Variants in ZNF652 observed in about 807,000 individuals in gnomAD.
ZNF652 encodes zinc finger protein 652.
A neutral mutation model predicts 45.2 loss-of-function variants in ZNF652; 16 were observed. That is an observed-to-expected ratio of 0.35 (90% confidence interval 0.24 to 0.54). ZNF652 has a LOEUF of 0.54. Ranked by LOEUF, ZNF652 falls within the 20% of genes least tolerant of loss-of-function variation. The probability of loss-of-function intolerance (pLI) is 0.91; values close to 1 mark genes in which losing one functional copy is unlikely to be tolerated. For synonymous variants in ZNF652, 250 were observed against 260.6 expected, an observed-to-expected ratio of 0.96 and a Z score of 0.39; for missense variants, 614 against 765.6, an observed-to-expected ratio of 0.80 and a Z score of 2.34.
At position 49,324,803 on chromosome 17, in the gene ZNF652, C is replaced by T. The variant is rs1291981872; in HGVS notation, c.-258-6820G>A. The stretch of plus-strand genomic sequence containing the variant: ...TCACCCAAGCTGGAGTGCAGTGGTG[C>T]GACCTCAGCTCACTGCAACCTCCAC... On this transcript the variant is annotated intron_variant, in intron 1 of 5. Coordinates refer to ENST00000430262, the MANE Select transcript of ZNF652 (RefSeq NM_001145365.3). Among the ~76,000 whole-genome samples, 61 of 110,624 alleles carry T rather than the reference C, an allele frequency of 5.5e-4. 1 individual carries two copies. In the Admixed American group the frequency reaches 5.7e-3, roughly 10 times the overall value. The allele number at this position is 110,624 out of a possible 152,430, so 72.6% of individuals were successfully genotyped here. A position where few individuals can be genotyped will look rare whatever the true frequency, so the allele number is the denominator to read the frequency against.
intron 2 of ZNF652, 150 bp from the exon 3 acceptor site, chr17:49,312,995 C>T (rs957663772): frequency 3.0e-6 from 2 of 669,934 alleles, no homozygotes; most frequent in Non-Finnish European, 4.9e-6. Flanking sequence ...GATTCCAACA[C>T]CAACATCTGT....
At chr17:49,328,627 C>G (rs986079142) in intron 1 of ZNF652, among the ~76,000 whole-genome samples, 3 of 152,130 alleles carry the variant, frequency 2.0e-5, no homozygotes, top group Non-Finnish European at 4.4e-5. Context: ...CTTGCTTGCT[C>G]TTTCACCATG....
At chr17:49,351,152 G>A (rs544264478) in intron 1 of ZNF652, among the ~76,000 whole-genome samples, 2 of 150,418 alleles carry the variant, frequency 1.3e-5, no homozygotes, top group East Asian at 3.9e-4. Flanking sequence ...AGTTGACTTG[G>A]GTTTTTCACC....
chr17:49,356,084 G>T (rs2070333235), intron 1 of ZNF652, among the ~76,000 whole-genome samples: 1 of 151,686 alleles, frequency 6.6e-6, no homozygotes, highest in Non-Finnish European at 1.5e-5. Flanking sequence ...GCTAAAAAAG[G>T]GTTTGAAATT....
At chr17:49,334,142 TAAACA>T (rs1311861249) in intron 1 of ZNF652, among the ~76,000 whole-genome samples, 1 of 152,080 alleles carries the variant, frequency 6.6e-6, no homozygotes, top group African/African-American at 2.4e-5. Flanking sequence ...GATGAGTGGA[TAAACA>T]AAATATATAA....
At chr17:49,288,986 C>G (rs765314049), downstream of ZNF652, among the ~76,000 whole-genome samples, 1 of 152,176 alleles carries the variant, frequency 6.6e-6, no homozygotes, top group South Asian at 2.1e-4. Context: ...ACTAATCACT[C>G]TGCCTTTGGT....
chr17:49,327,420 A>G (rs1598302100), intron 1 of ZNF652, among the ~76,000 whole-genome samples: 1 of 151,788 alleles, frequency 6.6e-6, no homozygotes, highest in Non-Finnish European at 1.5e-5. Flanking sequence ...TCAGCCTCCC[A>G]AAGTGCTGGC....
At chr17:49,344,127 G>C (rs1194105346) in intron 1 of ZNF652, among the ~76,000 whole-genome samples, 2 of 152,066 alleles carry the variant, frequency 1.3e-5, no homozygotes, top group Non-Finnish European at 2.9e-5. Flanking sequence ...CATGAACCCG[G>C]GAGGCGGAGC....
intron 1 of ZNF652, among the ~76,000 whole-genome samples, chr17:49,326,828 T>C (rs1348295860): frequency 6.6e-6 from 1 of 152,220 alleles, no homozygotes; most frequent in Non-Finnish European, 1.5e-5. Flanking sequence ...ATTTCTTTCA[T>C]GGATCTCTGG....
chr17:49,308,230 G>C (rs1444441945), intron 5 of ZNF652, among the ~76,000 whole-genome samples: 1 of 152,050 alleles, frequency 6.6e-6, no homozygotes, highest in Non-Finnish European at 1.5e-5. Context: ...TGCCCAGGCT[G>C]GAGTGACACA....
chr17:49,299,838 C>A (rs1049068673), intron 5 of ZNF652, among the ~76,000 whole-genome samples: 2 of 151,554 alleles, frequency 1.3e-5, no homozygotes, highest in South Asian at 2.1e-4. Context: ...AGCTACCACG[C>A]CTGGCTATCT....
intron 1 of ZNF652, among the ~76,000 whole-genome samples, chr17:49,350,848 T>C (rs1806271114): frequency 6.6e-6 from 1 of 150,890 alleles, no homozygotes; most frequent in Non-Finnish European, 1.5e-5. Flanking sequence ...CAGATGCCTA[T>C]AATCCCAGCT....
chr17:49,291,122 G>C lies in ZNF652; in HGVS notation c.*7291C>G, dbSNP rs770730120. Reference sequence around the variant, plus strand: ...TTTAAACTAATGAATTGAATTAATAGAGCATGAAAAGATATTTCTAGGAGG... The same window carrying C: ...TTTAAACTAATGAATTGAATTAATACAGCATGAAAAGATATTTCTAGGAGG... On this transcript the variant is annotated 3_prime_UTR_variant, in exon 6 of 6. Coordinates refer to ENST00000430262, the MANE Select transcript of ZNF652 (RefSeq NM_001145365.3). The C allele has an allele frequency of 5.3e-5, 8 of 152,148 alleles. No homozygotes were observed. The highest frequency in any genetic ancestry group is 1.2e-4 in the African/African-American group (5 of 41,428). The allele number at this position is 152,148 out of a possible 1,614,324, so 9.4% of individuals were successfully genotyped here.
In ZNF652 at chr17:49,327,756, TATATATATATATATATATATATA is replaced by T. The variant is rs1468647121; in HGVS notation, c.-258-9796_-258-9774del. On this transcript the variant is annotated intron_variant, in intron 1 of 5. Coordinates refer to ENST00000430262, the MANE Select transcript of ZNF652 (RefSeq NM_001145365.3). ...ATATATATATATATATATATATATATATATATATATATATATATATATATTTTTTTTTTTTTTTTTTAGTAGAG... is the reference window on the plus strand; with the variant it reads ...ATATATATATATATATATATATATATTTTTTTTTTTTTTTTTTTAGTAGAG... 4.8e-3 allele frequency among the ~76,000 whole-genome samples: 24 copies of T among 4,968 alleles called. No homozygotes were observed. In the East Asian group the frequency reaches 0.11, roughly 22 times the overall value. 3.3% of individuals were successfully genotyped at this position (4,968 alleles called of 152,430 possible). A position where few individuals can be genotyped will look rare whatever the true frequency, so the allele number is the denominator to read the frequency against.
intron 1 of ZNF652, among the ~76,000 whole-genome samples, chr17:49,351,009 AT>A: frequency 7.3e-5 from 1 of 13,678 alleles, no homozygotes; most frequent in Non-Finnish European, 1.6e-4. Flanking sequence ...ATATATATAT[AT>A]ATATACACAC....
intron 5 of ZNF652, among the ~76,000 whole-genome samples, chr17:49,307,439 A>G (rs1384540830): frequency 1.4e-5 from 2 of 138,158 alleles, no homozygotes; most frequent in Non-Finnish European, 3.1e-5. Flanking sequence ...TCAAAAGAAA[A>G]AAAAAAAAAA....
Position 49,337,785 on chromosome 17 carries a change from G to A in ZNF652, c.-258-19802C>T, listed in dbSNP as rs550817385. On this transcript the variant is annotated intron_variant, in intron 1 of 5. Transcript: ENST00000430262. ...TAGGTCTCATGGGTTTATACACTAA[G>A]CGCTGTCTGTCCAATTCCTACATTC... Among the ~76,000 whole-genome samples the A allele has an allele frequency of 2.0e-3, 304 of 152,132 alleles. 2 individuals carry two copies. The highest frequency in any genetic ancestry group is 6.9e-3 in the African/African-American group (288 of 41,482).
In ZNF652 at chr17:49,317,408, TTCC is replaced by T; in HGVS notation, c.315_317del (p.Glu109del). Reference sequence around the variant, plus strand: ...CCCTTTTGTAAGAGACTTCTTCCTCTTCCTCCTCTGTGTCATCAGAATTCTCCC... The same window carrying T: ...CCCTTTTGTAAGAGACTTCTTCCTCTTCCTCTGTGTCATCAGAATTCTCCC... On this transcript the variant is annotated inframe_deletion, in exon 2 of 6. Transcript: ENST00000430262. 6.2e-7 allele frequency: 1 copy of T among 1,614,188 alleles called. No individual in the cohort carries two copies. The highest frequency in any genetic ancestry group is 8.5e-7 in the Non-Finnish European group (1 of 1,180,022).
At chr17:49,359,702 T>C (rs1456326617) in intron 1 of ZNF652, among the ~76,000 whole-genome samples, 1 of 152,208 alleles carries the variant, frequency 6.6e-6, no homozygotes, top group Non-Finnish European at 1.5e-5. Flanking sequence ...CACCTGCTTA[T>C]TGATAGAATG....
Sources: gnomAD v4.1 joint callset for allele counts (sites outside exome capture counted in the v4.1 genomes callset) on GRCh38, gnomAD v4.1.1 for gene constraint, MANE v1.5 for transcripts, NCBI Gene and HGNC (gene_info 2026-07-23, HGNC 2026-07-21) for gene names.